Variants in CMSS1 observed in about 807,000 individuals in gnomAD.
CMSS1 encodes the protein cms1 ribosomal small subunit homolog, also known as protein CMSS1.
In CMSS1, 33 loss-of-function variants were observed where a neutral mutation model predicts 43.5. That is an observed-to-expected ratio of 0.76 (90% CI 0.57 to 1.01). CMSS1 has a LOEUF of 1.01. CMSS1 is among the 50% of genes least tolerant of loss of function. The probability of loss-of-function intolerance (pLI) is 0.00; values close to 1 mark genes in which losing one functional copy is unlikely to be tolerated. For missense variants in CMSS1, 313 were observed against 326.4 expected, an observed-to-expected ratio of 0.96 and a Z score of 0.32; for synonymous variants, 115 against 117.2, an observed-to-expected ratio of 0.98 and a Z score of 0.12.
chr3:99,929,434 T>TC (rs1262823134), intron 1 of CMSS1, among the ~76,000 whole-genome samples: 3 of 152,194 alleles, frequency 2.0e-5, no homozygotes, highest in Non-Finnish European at 4.4e-5. Flanking sequence ...ACATAATACC[T>TC]CAGTGTTTTC....
At chr3:99,861,424 A>G (rs793441) in intron 1 of CMSS1, among the ~76,000 whole-genome samples, 151,902 of 152,314 alleles carry the variant, frequency 1, 75,747 homozygotes, top group Middle Eastern at 1. Context: ...AGTGCCTCCT[A>G]GTTCATGGCA....
At chr3:99,870,243 A>G (rs1036288657) in intron 1 of CMSS1, among the ~76,000 whole-genome samples, 1 of 152,182 alleles carries the variant, frequency 6.6e-6, no homozygotes, top group Non-Finnish European at 1.5e-5. Flanking sequence ...GGCAGAGCTA[A>G]GAAGAGTAGA....
chr3:100,033,814 G>A (rs2065061489), intron 1 of CMSS1, among the ~76,000 whole-genome samples: 1 of 152,136 alleles, frequency 6.6e-6, no homozygotes. Flanking sequence ...GGATTTAGAG[G>A]TCAAGTATCC....
intron 1 of CMSS1, among the ~76,000 whole-genome samples, chr3:99,988,031 C>A (rs1051977020): frequency 6.6e-6 from 1 of 152,036 alleles, no homozygotes; most frequent in African/African-American, 2.4e-5. Flanking sequence ...AGCTGGTACA[C>A]CAAAATGTAA....
At chr3:99,995,324 C>T (rs1709646286) in intron 1 of CMSS1, among the ~76,000 whole-genome samples, 1 of 152,226 alleles carries the variant, frequency 6.6e-6, no homozygotes, top group African/African-American at 2.4e-5. Context: ...CCCCAGGTCT[C>T]ACATCCAGGT....
chr3:100,130,581 T>C (rs1307727254), intron 1 of CMSS1, among the ~76,000 whole-genome samples: 1 of 152,168 alleles, frequency 6.6e-6, no homozygotes, highest in Non-Finnish European at 1.5e-5. Flanking sequence ...GTGAAGAGTT[T>C]TCTAATACCT....
At chr3:99,917,102 T>C (rs1337150118) in intron 1 of CMSS1, among the ~76,000 whole-genome samples, 2 of 152,222 alleles carry the variant, frequency 1.3e-5, no homozygotes, top group African/African-American at 4.8e-5. Context: ...ACCTGTTTTA[T>C]AGGGCTGTTA....
At chr3:100,100,826 G>A (rs574513685) in intron 1 of CMSS1, among the ~76,000 whole-genome samples, 3 of 152,304 alleles carry the variant, frequency 2.0e-5, no homozygotes, top group African/African-American at 7.2e-5. Context: ...TGTGGAGAAG[G>A]TGTCCTGGTG....
At chr3:99,848,638 G>A in intron 1 of CMSS1, 1 of 1,614,188 alleles carries the variant, frequency 6.2e-7, no homozygotes, top group Non-Finnish European at 8.5e-7. Context: ...CTGCTCAGGA[G>A]AGCTAGCTGA....
chr3:100,011,911 A>G (rs1232533588), intron 1 of CMSS1, among the ~76,000 whole-genome samples: 7 of 152,218 alleles, frequency 4.6e-5, no homozygotes, highest in Non-Finnish European at 1.0e-4. Flanking sequence ...TTAAAAATAG[A>G]GAACTTCCAC....
At chr3:99,933,869 A>G (rs571707561) in intron 1 of CMSS1, among the ~76,000 whole-genome samples, 22 of 152,292 alleles carry the variant, frequency 1.4e-4, no homozygotes, top group African/African-American at 5.1e-4. Context: ...CAACTGTCTC[A>G]GGTACATGTT....
chr3:99,909,006 TA>T (rs1009439292), intron 1 of CMSS1, among the ~76,000 whole-genome samples: 10 of 152,102 alleles, frequency 6.6e-5, no homozygotes, highest in Admixed American at 2.0e-4. Flanking sequence ...ACTCTATACT[TA>T]AAAAAATTAT....
At chr3:100,118,273 G>T (rs1320637065) in intron 1 of CMSS1, among the ~76,000 whole-genome samples, 5 of 151,584 alleles carry the variant, frequency 3.3e-5, no homozygotes, top group Non-Finnish European at 7.4e-5. Context: ...TTAAAAATTG[G>T]TTTTACTATT....
chr3:99,977,244 C>G (rs554757804), intron 1 of CMSS1, among the ~76,000 whole-genome samples: 1 of 152,106 alleles, frequency 6.6e-6, no homozygotes, highest in Non-Finnish European at 1.5e-5. Context: ...CACAGTGGAG[C>G]TGATGCCTCA....
chr3:99,904,450 A>G (rs1161395985), intron 1 of CMSS1, among the ~76,000 whole-genome samples: 3 of 152,228 alleles, frequency 2.0e-5, no homozygotes, highest in Admixed American at 6.5e-5. Flanking sequence ...TCAAATTAAA[A>G]TAGAGCTTTT....
intron 1 of CMSS1, among the ~76,000 whole-genome samples, chr3:100,104,796 C>T (rs1228184130): frequency 6.6e-6 from 1 of 152,092 alleles, no homozygotes; most frequent in Non-Finnish European, 1.5e-5. Flanking sequence ...AAGAGTCACC[C>T]CTGTTATTTT....
intron 1 of CMSS1, among the ~76,000 whole-genome samples, chr3:99,999,173 G>A (rs1362157648): frequency 6.6e-6 from 1 of 152,158 alleles, no homozygotes; most frequent in African/African-American, 2.4e-5. Context: ...GAGTAAAGCA[G>A]CCTTTATTTT....
intron 1 of CMSS1, among the ~76,000 whole-genome samples, chr3:99,948,107 G>A (rs1357134436): frequency 6.6e-6 from 1 of 152,158 alleles, no homozygotes; most frequent in East Asian, 1.9e-4. Context: ...TTTTAATGCT[G>A]TCTTATGTCC....
At chr3:100,098,477 G>A (rs1033283280) in intron 1 of CMSS1, among the ~76,000 whole-genome samples, 1 of 152,160 alleles carries the variant, frequency 6.6e-6, no homozygotes, top group Admixed American at 6.5e-5. Context: ...AAAGTATTCA[G>A]CATGGTACCA....
Sources: allele counts gnomAD v4.1 joint callset (sites outside exome capture counted in the v4.1 genomes callset), GRCh38; gene constraint gnomAD v4.1.1; transcripts MANE v1.5; gene names NCBI Gene and HGNC (gene_info 2026-07-23, HGNC 2026-07-21).